The following PLCB1 variants were observed in gnomAD, a reference collection of about 807,000 sequenced individuals.
The protein encoded by PLCB1 is 1-phosphatidylinositol 4,5-bisphosphate phosphodiesterase beta-1.
A neutral mutation model predicts 161.8 loss-of-function variants in PLCB1; 46 were observed. That is an observed-to-expected ratio of 0.28 (90% CI 0.22 to 0.36). The LOEUF (loss-of-function observed/expected upper bound fraction) is 0.36, where lower values mean the gene tolerates loss of function less well. Ranked by LOEUF, PLCB1 falls within the 10% of genes least tolerant of loss-of-function variation. The pLI, the probability that PLCB1 is intolerant of heterozygous loss-of-function variation, is 1.00. For synonymous variants in PLCB1, 517 were observed against 503.7 expected (o/e 1.03, Z -0.35); for missense variants, 1,016 against 1,472.5 (o/e 0.69, Z 5.07).
chr20:8,168,440 AC>A (rs2051697115), intron 2 of PLCB1, among the ~76,000 whole-genome samples: 1 of 152,154 alleles, frequency 6.6e-6, no homozygotes, highest in South Asian at 2.1e-4. Flanking sequence ...TAGAGCACTT[AC>A]GCTGCAGTGA....
intron 27 of PLCB1, among the ~76,000 whole-genome samples, chr20:8,786,855 C>G (rs1348849255): frequency 6.6e-6 from 1 of 151,432 alleles, no homozygotes; most frequent in East Asian, 1.9e-4. Flanking sequence ...AGGCACCCAC[C>G]ACCAGGCCTG....
At chr20:8,561,786 T>A (rs1178639238) in intron 3 of PLCB1, among the ~76,000 whole-genome samples, 1 of 152,042 alleles carries the variant, frequency 6.6e-6, no homozygotes. Flanking sequence ...GGATTACCGA[T>A]GTAATTGACT....
At chr20:8,611,256 A>G (rs1987896267) in intron 3 of PLCB1, among the ~76,000 whole-genome samples, 1 of 152,132 alleles carries the variant, frequency 6.6e-6, no homozygotes, top group Non-Finnish European at 1.5e-5. Context: ...CATGTATACA[A>G]GAAACTAAAA....
chr20:8,765,062 A>G, intron 25 of PLCB1, 77 bp from the exon 26 acceptor site: 1 of 1,120,328 alleles, frequency 8.9e-7, no homozygotes, highest in Non-Finnish European at 1.3e-6. Context: ...ATTTCTTCCT[A>G]AGAAGGTAGC....
chr20:8,825,009 A>G (rs1985621893), intron 31 of PLCB1, among the ~76,000 whole-genome samples: 1 of 152,148 alleles, frequency 6.6e-6, no homozygotes, highest in African/African-American at 2.4e-5. Context: ...GGTTGGCATT[A>G]TATCTCTTCC....
chr20:8,566,371 T>A lies in PLCB1; in HGVS notation c.247-61923T>A, dbSNP rs866605177. Among the ~76,000 whole-genome samples, 6 of 152,148 alleles carry A rather than the reference T, an allele frequency of 3.9e-5. No individual in the cohort carries two copies. In the South Asian group the frequency reaches 1.0e-3, roughly 26 times the overall value. ...GTTTACCTTGTCAAAAAGTTGATTG[T>A]TTCTAATAAGCAGGATAACAGATAT... On this transcript the variant is annotated intron_variant, in intron 3 of 31. Transcript: ENST00000338037.
chr20:8,208,000 T>TG (rs1166313377), intron 2 of PLCB1, among the ~76,000 whole-genome samples: 3 of 152,118 alleles, frequency 2.0e-5, no homozygotes, highest in African/African-American at 4.8e-5. Context: ...ATCTGCATGC[T>TG]GGGGGAAGGA....
chr20:8,456,940 A>G (rs1275830371), intron 3 of PLCB1, among the ~76,000 whole-genome samples: 2 of 152,216 alleles, frequency 1.3e-5, no homozygotes, highest in East Asian at 3.8e-4. Context: ...TCTGAACATC[A>G]TCACCTTGGG....
chr20:8,332,891 G>A (rs1985418281), intron 2 of PLCB1, among the ~76,000 whole-genome samples: 1 of 152,176 alleles, frequency 6.6e-6, no homozygotes, highest in African/African-American at 2.4e-5. Context: ...TTAACTTTTA[G>A]GATCTTATTT....
At chr20:8,767,959 G>A (rs893794513) in intron 26 of PLCB1, among the ~76,000 whole-genome samples, 1 of 152,100 alleles carries the variant, frequency 6.6e-6, no homozygotes, top group African/African-American at 2.4e-5. Flanking sequence ...TAAGGTGGGA[G>A]GATCACTTGA....
At chr20:8,371,493 T>C in intron 3 of PLCB1, 43 bp downstream of exon 3, 1 of 1,374,496 alleles carries the variant, frequency 7.3e-7, no homozygotes. Context: ...GCTGCCTTGA[T>C]TGTTTGGCTG....
At chr20:8,576,024 A>G (rs1448427336) in intron 3 of PLCB1, among the ~76,000 whole-genome samples, 1 of 152,364 alleles carries the variant, frequency 6.6e-6, no homozygotes, top group South Asian at 2.1e-4. Context: ...AAATATCTCA[A>G]TTAAAATCAT....
chr20:8,869,682 A>G (rs1353370215), intron 31 of PLCB1, among the ~76,000 whole-genome samples: 1 of 152,234 alleles, frequency 6.6e-6, no homozygotes, highest in Non-Finnish European at 1.5e-5. Context: ...GCTTACAATA[A>G]TAAACATTTA....
chr20:8,713,486 A>G (rs1368320580), intron 12 of PLCB1, among the ~76,000 whole-genome samples: 2 of 152,102 alleles, frequency 1.3e-5, no homozygotes, highest in Admixed American at 6.5e-5. Context: ...CCCAGCCCTC[A>G]GGCAGGTTCT....
intron 9 of PLCB1, among the ~76,000 whole-genome samples, chr20:8,678,632 C>T (rs1045011736): frequency 6.6e-6 from 1 of 152,192 alleles, no homozygotes. Context: ...ACATCAAGAG[C>T]AAATCACACA....
chr20:8,867,636 C>T (rs1987474772), intron 31 of PLCB1, among the ~76,000 whole-genome samples: 1 of 152,082 alleles, frequency 6.6e-6, no homozygotes, highest in Admixed American at 6.5e-5. Context: ...GCTGTCATGC[C>T]CTTGCTCCTC....
intron 2 of PLCB1, among the ~76,000 whole-genome samples, chr20:8,328,396 C>G (rs1029657185): frequency 2.0e-5 from 3 of 152,026 alleles, no homozygotes; most frequent in Non-Finnish European, 4.4e-5. Context: ...TTGCTGGTAT[C>G]TGCAGCCAGC....
chr20:8,424,239 T>G (rs1979652746), intron 3 of PLCB1, among the ~76,000 whole-genome samples: 1 of 151,868 alleles, frequency 6.6e-6, no homozygotes, highest in African/African-American at 2.4e-5. Flanking sequence ...AGAGCAAGAG[T>G]GTACAATACT....
At chr20:8,315,591 A>C (rs6039138) in intron 2 of PLCB1, among the ~76,000 whole-genome samples, 8,584 of 152,202 alleles carry the variant, frequency 0.056, 638 homozygotes, top group African/African-American at 0.18. Flanking sequence ...TAGTTTTCTT[A>C]TGTATAAAAT....
Sources: allele counts gnomAD v4.1 joint callset (sites outside exome capture counted in the v4.1 genomes callset), GRCh38; gene constraint gnomAD v4.1.1; transcripts MANE v1.5; gene names NCBI Gene and HGNC (gene_info 2026-07-23, HGNC 2026-07-21).